The following PRRC2C variants were observed in gnomAD, a reference collection of about 807,000 sequenced individuals.
PRRC2C encodes the protein protein PRRC2C.
A neutral mutation model predicts 317.2 loss-of-function variants in PRRC2C; 72 were observed. The observed-to-expected ratio is 0.23, with a 90% CI of 0.19 to 0.28. The LOEUF is 0.28. Ranked by LOEUF, PRRC2C falls within the 10% of genes least tolerant of loss-of-function variation. The probability of loss-of-function intolerance (pLI) is 1.00; values close to 1 mark genes in which losing one functional copy is unlikely to be tolerated. For synonymous variants in PRRC2C, 1,296 were observed against 1,205.9 expected (o/e 1.07, Z -1.55); for missense variants, 3,074 against 3,459.7 (o/e 0.89, Z 2.80).
At chr1:171,495,792 G>A (rs1300035393) in intron 1 of PRRC2C, among the ~76,000 whole-genome samples, 1 of 152,138 alleles carries the variant, frequency 6.6e-6, no homozygotes, top group Non-Finnish European at 1.5e-5. Flanking sequence ...TGAAGTTAAT[G>A]CATCAGTCTC....
chr1:171,570,406 C>T (rs1684578742), intron 23 of PRRC2C, among the ~76,000 whole-genome samples: 1 of 152,174 alleles, frequency 6.6e-6, no homozygotes, highest in Non-Finnish European at 1.5e-5. Flanking sequence ...GTAGTACAAT[C>T]ATCTTGTATC....
intron 1 of PRRC2C, among the ~76,000 whole-genome samples, chr1:171,499,766 T>G (rs944258705): frequency 7.9e-5 from 12 of 152,008 alleles, no homozygotes; most frequent in African/African-American, 2.9e-4. Context: ...ATCGTGCCAC[T>G]GCACTCCAGC....
At position 171,533,326 on chromosome 1, in the gene PRRC2C, C is replaced by CTTAATG. The variant is rs1293098966; in HGVS notation, c.1873+366_1873+371dup. Among the ~76,000 whole-genome samples the CTTAATG allele has an allele frequency of 2.6e-5, 4 of 152,310 alleles. No individual in the cohort carries two copies. In the East Asian group the frequency reaches 5.8e-4, roughly 22 times the overall value. ...CCTCTAAAACTGAACTGGCATAGAG[C>CTTAATG]TTAATGAGTATGTTGGATTATCATA... On this transcript the variant is annotated intron_variant, in intron 12 of 34. Transcript: ENST00000647382.
Position 171,541,844 on chromosome 1 carries a change from A to G in PRRC2C, c.4378A>G (p.Asn1460Asp), listed in dbSNP as rs778461112. ...AAATGAGGTGGTAGCAGTGCCCACA[A>G]ATGGCACAGTTAATAATGTGGCTCA... ...KSNEVVAVPT[N>D]GTVNNVAQEP... is the part of the protein sequence containing the mutation. Residue 1460 changes from asparagine to aspartate, a missense_variant, in exon 16 of 35, where the codon AAT becomes GAT. Physicochemically the swap from Asn to Asp is conservative, Grantham distance 23. Around this residue, in one of 11 missense-constraint regions of PRRC2C, gnomAD observed 1,320 missense variants for 1,395.7 expected, o/e 0.95. Transcript: ENST00000647382. The surrounding 1 kb of genome is among the most constrained non-coding windows in gnomAD (Gnocchi z 4.1). 6 of 1,613,752 alleles carry G rather than the reference A, an allele frequency of 3.7e-6. No homozygotes were observed. The highest frequency in any genetic ancestry group is 2.2e-5 in the East Asian group (1 of 44,896).
intron 27 of PRRC2C, 148 bp downstream of exon 27, chr1:171,579,614 C>G: frequency 1.4e-6 from 2 of 1,400,476 alleles, no homozygotes; most frequent in South Asian, 3.4e-5. Flanking sequence ...TAAAATTTTT[C>G]CCAAATTTAC....
At chr1:171,500,381 T>A (rs1334627927) in intron 1 of PRRC2C, among the ~76,000 whole-genome samples, 1 of 152,136 alleles carries the variant, frequency 6.6e-6, no homozygotes, top group Non-Finnish European at 1.5e-5. Context: ...TTCTTCCAGA[T>A]TTTCTCTTCT....
chr1:171,578,665 C>CAAG (rs924320339), intron 26 of PRRC2C, among the ~76,000 whole-genome samples: 3 of 152,160 alleles, frequency 2.0e-5, no homozygotes, highest in African/African-American at 7.2e-5. Flanking sequence ...GCCAGCAGTT[C>CAAG]AAGACCCACC....
chr1:171,513,485 C>T (rs779249021), intron 3 of PRRC2C: 12 of 484,724 alleles, frequency 2.5e-5, no homozygotes, highest in Non-Finnish European at 4.9e-5. Context: ...AGAGTTGACT[C>T]CGATACCTAA....
intron 23 of PRRC2C, among the ~76,000 whole-genome samples, chr1:171,569,575 A>AATATATATATATATATAT (rs60832207): frequency 0.031 from 1,848 of 59,888 alleles, 176 homozygotes; most frequent in East Asian, 0.043. Context: ...AAGTGGTTTA[A>AATATATATATATATATAT]ATATATATAT....
chr1:171,488,995 A>C (rs1666631412), intron 1 of PRRC2C, among the ~76,000 whole-genome samples: 2 of 152,190 alleles, frequency 1.3e-5, no homozygotes, highest in Middle Eastern at 3.2e-3. Flanking sequence ...AATATGTACT[A>C]CATACTATCT....
chr1:171,592,078 C>A lies in PRRC2C; in HGVS notation c.*231C>A. ...TATATAACATGTGCTTGGTTGATGG[C>A]CATGCATCTTCAGTCAGAATTTATA... On this transcript the variant is annotated 3_prime_UTR_variant, in exon 35 of 35. Transcript: ENST00000647382. The A allele has an allele frequency of 2.3e-6, 1 of 440,904 alleles. No individual in the cohort carries two copies. The highest frequency in any genetic ancestry group is 3.9e-5 in the Admixed American group (1 of 25,734). 27.3% of individuals were successfully genotyped at this position (440,904 alleles called of 1,614,324 possible). A position where few individuals can be genotyped will look rare whatever the true frequency, so the allele number is the denominator to read the frequency against.
intron 28 of PRRC2C, among the ~76,000 whole-genome samples, chr1:171,580,824 A>G (rs1163715350): frequency 6.6e-6 from 1 of 152,222 alleles, no homozygotes; most frequent in East Asian, 1.9e-4. Context: ...ATAAAGAAAA[A>G]TAAGTTACAT....
chr1:171,539,190 G>A (rs199790279), intron 15 of PRRC2C, among the ~76,000 whole-genome samples: 1 of 151,914 alleles, frequency 6.6e-6, no homozygotes, highest in Non-Finnish European at 1.5e-5. Flanking sequence ...TAGTAGAGAC[G>A]GGGTTTCTCC....
At chr1:171,497,721 C>T (rs975019409) in intron 1 of PRRC2C, among the ~76,000 whole-genome samples, 4 of 152,112 alleles carry the variant, frequency 2.6e-5, no homozygotes, top group Admixed American at 1.3e-4. Flanking sequence ...CTCCCACCTT[C>T]GCCTTTCAAA....
In PRRC2C at chr1:171,579,844, A is replaced by G; in HGVS notation, c.7289A>G (p.Gln2430Arg). ...GCATTGCAGCCAACTTCAGTTCAGC[A>G]GATTCCAATCCCTATTTATGCACCA... Reference protein sequence around the residue: ...PGLSQPTSVQQIPIPIYAPLQ... With the variant: ...PGLSQPTSVQRIPIPIYAPLQ... Residue 2430 changes from glutamine to arginine, a missense_variant, in exon 28 of 35, where the codon CAG becomes CGG. Around this residue, in one of 11 missense-constraint regions of PRRC2C, gnomAD observed 490 missense variants for 663.1 expected, o/e 0.74. Transcript: ENST00000647382. 1 of 1,571,592 alleles carries G rather than the reference A, an allele frequency of 6.4e-7. No individual in the cohort carries two copies. The highest frequency in any genetic ancestry group is 2.3e-5 in the East Asian group (1 of 44,080).
In PRRC2C at chr1:171,540,382, A is replaced by G; in HGVS notation, c.2916A>G (p.Glu972=). 6.2e-7 allele frequency: 1 copy of G among 1,612,576 alleles called. No homozygotes were observed. Among genetic ancestry groups the G allele is most frequent in the Non-Finnish European group, 8.5e-7 (1 of 1,179,524 alleles). Residue 972 remains glutamate, a synonymous_variant, in exon 16 of 35, where the codon GAA becomes GAG. Coordinates refer to ENST00000647382, the MANE Select transcript of PRRC2C (RefSeq NM_001387844.1). ...GGCCAGAGGAGAAACCAAAAAAGGA[A>G]GGCTTTATACGATCTTCTGAAGGAC... ...IERPEEKPKK[E]GFIRSSEGPK...
chr1:171,517,736 T>C lies in PRRC2C; in HGVS notation c.672T>C (p.Ala224=), dbSNP rs752132225. The stretch of plus-strand genomic sequence containing the variant: ...TCAAAGTGGTGGAAAAGAGGATAGC[T>C]TGTGGTCCTCCACAGGCTAAACTGA... ...DILKVVEKRI[A]CGPPQAKLNG... is the part of the protein sequence containing the mutation. The change falls in exon 6 of 35, where the codon GCT becomes GCC. Residue 224 remains alanine, a synonymous_variant. Coordinates refer to ENST00000647382, the MANE Select transcript of PRRC2C (RefSeq NM_001387844.1). The C allele has an allele frequency of 1.2e-6, 2 of 1,613,810 alleles. No homozygotes were observed. The highest frequency in any genetic ancestry group is 1.1e-5 in the South Asian group (1 of 91,060).
chr1:171,545,482 A>G lies in PRRC2C; in HGVS notation c.4767A>G (p.Pro1589=), dbSNP rs924733968. The stretch of plus-strand genomic sequence containing the variant: ...ATCTCAAGTTATTTTTTTGTAGGCC[A>G]TTTGATGACCAGCCTGCAGGCACAA... ...GPPSKSGKRG[P]FDDQPAGTTG... The change falls in exon 17 of 35, where the codon CCA becomes CCG. Residue 1589 remains proline, a synonymous_variant. Transcript: ENST00000647382. 1.2e-5 allele frequency: 19 copies of G among 1,559,358 alleles called. No individual in the cohort carries two copies. Among genetic ancestry groups the G allele is most frequent in the Non-Finnish European group, 1.6e-5 (18 of 1,151,536 alleles).
At chr1:171,574,805 C>T in intron 24 of PRRC2C, 122 bp from the exon 25 acceptor site, 3 of 914,780 alleles carry the variant, frequency 3.3e-6, no homozygotes, top group Non-Finnish European at 5.0e-6. Context: ...CTTTAAATAT[C>T]TTTGTGTGTG....
Sources: gnomAD v4.1 joint callset for allele counts (sites outside exome capture counted in the v4.1 genomes callset) on GRCh38, gnomAD v4.1.1 for gene constraint, gnomAD v4.1.1 regional missense constraint, Gnocchi (gnomAD v3.1) non-coding constraint, MANE v1.5 for transcripts, NCBI Gene and HGNC (gene_info 2026-07-23, HGNC 2026-07-21) for gene names.